GALNT13: variants seen among roughly 807,000 people sequenced by gnomAD.
GALNT13 encodes the protein UDP-GalNAc:polypeptide N-acetylgalactosaminyltransferase 13.
GALNT13 carries 28 observed loss-of-function variants against 64.2 expected under a neutral mutation model. The observed-to-expected ratio is 0.44, with a 90% CI of 0.32 to 0.60. The LOEUF (loss-of-function observed/expected upper bound fraction) is 0.60, where lower values mean the gene tolerates loss of function less well. Among genes scored for constraint, GALNT13 ranks in the 20% least tolerant of loss-of-function variants. GALNT13 has a pLI of 0.05. For missense variants in GALNT13, 577 were observed against 669.8 expected (o/e 0.86, Z 1.53); for synonymous variants, 214 against 224.6 (o/e 0.95, Z 0.42).
In GALNT13 at chr2:154,226,400, A is replaced by T. The variant is rs933115872; in HGVS notation, c.312-15630A>T. On this transcript the variant is annotated intron_variant, in intron 4 of 12. Coordinates refer to ENST00000392825, the MANE Select transcript of GALNT13 (RefSeq NM_052917.4). Reference sequence around the variant, plus strand: ...AAAAAATGCTTCCCTGAATGTAATGATGTGTAAATACCAGACAAATCTCTC... The same window carrying T: ...AAAAAATGCTTCCCTGAATGTAATGTTGTGTAAATACCAGACAAATCTCTC... Among the ~76,000 whole-genome samples, 3 of 152,230 alleles carry T rather than the reference A, an allele frequency of 2.0e-5. No individual in the cohort carries two copies. The East Asian group carries it at 5.8e-4, about 30-fold the overall frequency.
the GALNT13 span, among the ~76,000 whole-genome samples, chr2:153,268,142 T>C: frequency 6.6e-6 from 1 of 152,164 alleles, no homozygotes; most frequent in Non-Finnish European, 1.5e-5. Flanking sequence ...CAAAGTGTCA[T>C]CTGAGACAAA....
At chr2:153,939,063 A>T (rs975029793) in intron 2 of GALNT13, among the ~76,000 whole-genome samples, 2 of 152,230 alleles carry the variant, frequency 1.3e-5, no homozygotes, top group African/African-American at 4.8e-5. Flanking sequence ...AAACAAAAAA[A>T]ACCCCACAAT....
At chr2:154,263,985 A>G (rs1191613058) in intron 8 of GALNT13, among the ~76,000 whole-genome samples, 1 of 152,234 alleles carries the variant, frequency 6.6e-6, no homozygotes, top group Admixed American at 6.5e-5. Flanking sequence ...TCTAGGCCTT[A>G]GTGATAAAAG....
chr2:154,012,155 A>C (rs1447657228), intron 3 of GALNT13, among the ~76,000 whole-genome samples: 1 of 152,096 alleles, frequency 6.6e-6, no homozygotes, highest in East Asian at 1.9e-4. Flanking sequence ...TAAGTGCTTT[A>C]TGGTGTGAGT....
chr2:154,233,881 C>T (rs1283741205), intron 4 of GALNT13, among the ~76,000 whole-genome samples: 3 of 152,078 alleles, frequency 2.0e-5, no homozygotes, highest in Non-Finnish European at 4.4e-5. Flanking sequence ...AAGCAGAGAT[C>T]TAAGCAAGCA....
At chr2:153,325,567 T>C in the GALNT13 span, among the ~76,000 whole-genome samples, 1 of 152,210 alleles carries the variant, frequency 6.6e-6, no homozygotes, top group Non-Finnish European at 1.5e-5. Flanking sequence ...CTTGCTTTTG[T>C]GGTTCTTTTA....
chr2:153,550,217 A>G, the GALNT13 span, among the ~76,000 whole-genome samples: 1 of 151,364 alleles, frequency 6.6e-6, no homozygotes, highest in African/African-American at 2.4e-5. Flanking sequence ...ATGTAAAAAC[A>G]ATCTTGGTAA....
the GALNT13 span, among the ~76,000 whole-genome samples, chr2:153,808,000 C>T: frequency 2.0e-5 from 3 of 152,236 alleles, no homozygotes; most frequent in Admixed American, 2.0e-4. Flanking sequence ...GAATTATCAA[C>T]TTCACTTCAA....
At chr2:153,535,924 G>A in the GALNT13 span, among the ~76,000 whole-genome samples, 1 of 152,140 alleles carries the variant, frequency 6.6e-6, no homozygotes, top group Admixed American at 6.5e-5. Context: ...TGACTGCAGT[G>A]GCCTTCTCAG....
the GALNT13 span, among the ~76,000 whole-genome samples, chr2:153,819,113 C>T: frequency 1.4e-4 from 21 of 152,074 alleles, no homozygotes; most frequent in Admixed American, 5.2e-4. Context: ...GAGCTCAGGC[C>T]GACTCAACCA....
the GALNT13 span, among the ~76,000 whole-genome samples, chr2:153,558,941 G>C: frequency 4.5e-4 from 68 of 152,232 alleles, no homozygotes; most frequent in Admixed American, 7.8e-4. Flanking sequence ...AATAAGATAT[G>C]GCAGTTCTTC....
chr2:153,390,136 A>G, the GALNT13 span, among the ~76,000 whole-genome samples: 1 of 152,162 alleles, frequency 6.6e-6, no homozygotes, highest in East Asian at 1.9e-4. Context: ...CAGCCATAAA[A>G]TAGGATGAGT....
chr2:153,212,212 A>T, the GALNT13 span, among the ~76,000 whole-genome samples: 4 of 152,072 alleles, frequency 2.6e-5, no homozygotes, highest in Non-Finnish European at 5.9e-5. Context: ...TTCAAATTAT[A>T]AGTCCAGTAG....
chr2:154,093,452 C>G (rs765654229), intron 3 of GALNT13, among the ~76,000 whole-genome samples: 1 of 151,948 alleles, frequency 6.6e-6, no homozygotes, highest in Non-Finnish European at 1.5e-5. Context: ...CTACACTCTA[C>G]CTTCACAAAA....
intron 12 of GALNT13, among the ~76,000 whole-genome samples, chr2:154,443,928 C>G (rs1270769867): frequency 6.6e-6 from 1 of 152,056 alleles, no homozygotes; most frequent in Non-Finnish European, 1.5e-5. Context: ...AAACAAAACT[C>G]AATACTATCT....
At chr2:154,063,665 G>A (rs181211477) in intron 3 of GALNT13, among the ~76,000 whole-genome samples, 19 of 152,174 alleles carry the variant, frequency 1.2e-4, no homozygotes, top group Admixed American at 1.2e-3. Context: ...TTTTGAACTA[G>A]AGCAATCAAA....
chr2:153,195,448 G>A, the GALNT13 span, among the ~76,000 whole-genome samples: 1 of 152,320 alleles, frequency 6.6e-6, no homozygotes, highest in Non-Finnish European at 1.5e-5. Context: ...CTGCTGCAGG[G>A]CAGGCAGCTC....
At chr2:154,040,203 G>A (rs542315716) in intron 3 of GALNT13, among the ~76,000 whole-genome samples, 1 of 140,478 alleles carries the variant, frequency 7.1e-6, no homozygotes, top group Non-Finnish European at 1.6e-5. Context: ...ACATGCACAT[G>A]TGTATTTTGG....
chr2:154,284,822 G>A (rs1225515185), intron 8 of GALNT13, among the ~76,000 whole-genome samples: 1 of 152,044 alleles, frequency 6.6e-6, no homozygotes, highest in Non-Finnish European at 1.5e-5. Flanking sequence ...AGTGTACAAG[G>A]GTTCCCTTTT....
Sources: gnomAD v4.1 joint callset for allele counts (sites outside exome capture counted in the v4.1 genomes callset) on GRCh38, gnomAD v4.1.1 for gene constraint, MANE v1.5 for transcripts, NCBI Gene and HGNC (gene_info 2026-07-23, HGNC 2026-07-21) for gene names.